The following RPL15 variants were observed in gnomAD, a reference collection of about 807,000 sequenced individuals.
RPL15 encodes large ribosomal subunit protein eL15.
For missense variants in RPL15, 161 were observed against 271.8 expected (o/e 0.59, Z 2.87); for synonymous variants, 97 against 95.1 (o/e 1.02, Z -0.12).
intron 2 of RPL15, 87 bp downstream of exon 2, chr3:23,918,118 G>T (rs1704776227): frequency 1.3e-6 from 2 of 1,487,166 alleles, no homozygotes; most frequent in Admixed American, 4.5e-5. Flanking sequence ...TGCTGCCTCA[G>T]TGTCTTTCTT....
rs745714508 is a variant in RPL15 at position 23,918,567 on chromosome 3, C to A, written c.300C>A (p.Ser100=). 3.1e-6 allele frequency: 5 copies of A among 1,613,714 alleles called. No homozygotes were observed. The East Asian group carries it at 6.7e-5, about 22-fold the overall frequency. Residue 100 remains serine, a synonymous_variant, in exon 3 of 4, where the codon TCC becomes TCA. Transcript: ENST00000307839. ...TAAAGTTTGCTCGAAGCCTTCAGTCCGTTGCAGAGGTAAATGGTTTTGAGT... is the reference window on the plus strand; with the variant it reads ...TAAAGTTTGCTCGAAGCCTTCAGTCAGTTGCAGAGGTAAATGGTTTTGAGT... The part of the protein sequence containing the change: ...NQLKFARSLQ[S]VAEERAGRHC...
At chr3:23,924,513 T>C (rs780802988), downstream of RPL15, 2 of 152,252 alleles carry the variant, frequency 1.3e-5, no homozygotes, top group Non-Finnish European at 2.9e-5. Context: ...CAAGTGATTT[T>C]CATGCCTCAG....
Position 23,920,731 on chromosome 3 carries a change from T to C in RPL15, c.*1230T>C. ...CCAGGAAGTACTCATAGCAAGTTCA[T>C]AAAAGTTCTTGAGACCTAAATTTCT... On this transcript the variant is annotated 3_prime_UTR_variant, in exon 4 of 4. Coordinates refer to ENST00000307839, the MANE Select transcript of RPL15 (RefSeq NM_002948.5). The C allele has an allele frequency of 3.1e-6, 3 of 982,754 alleles. No homozygotes were observed. Among genetic ancestry groups the C allele is most frequent in the South Asian group, 4.7e-5 (1 of 21,218 alleles). The allele number at this position is 982,754 out of a possible 1,614,324, so 60.9% of individuals were successfully genotyped here. A position where few individuals can be genotyped will look rare whatever the true frequency, so the allele number is the denominator to read the frequency against.
In RPL15 at chr3:23,917,934, C is replaced by A; in HGVS notation, c.75C>A (p.Val25=). ...QSDVMRFLLR[V]RCWQYRQLSA... is the part of the protein sequence containing the mutation. ...ATGTCATGCGCTTTCTTCTGAGGGT[C>A]CGCTGCTGGCAGTACCGCCAGCTCT... Residue 25 remains valine (V), a synonymous_variant, in exon 2 of 4, where the codon GTC becomes GTA. Coordinates refer to ENST00000307839, the MANE Select transcript of RPL15 (RefSeq NM_002948.5). The A allele has an allele frequency of 6.2e-6, 10 of 1,613,694 alleles. No individual in the cohort carries two copies. Among genetic ancestry groups the A allele is most frequent in the Non-Finnish European group, 8.5e-6 (10 of 1,179,746 alleles).
chr3:23,918,899 A>G, intron 3 of RPL15: 1 of 519,518 alleles, frequency 1.9e-6, no homozygotes, highest in Non-Finnish European at 3.4e-6. Flanking sequence ...AGTTGTATGG[A>G]AAAAGATAAG....
chr3:23,921,566 TTGAG>T (rs1169232187), downstream of RPL15: 6 of 675,012 alleles, frequency 8.9e-6, no homozygotes, highest in Non-Finnish European at 1.6e-5. Flanking sequence ...ACATTGATTA[TTGAG>T]TTTTTTTTTT....
upstream of RPL15, chr3:23,916,757 G>A (rs533051673): frequency 6.6e-6 from 1 of 150,562 alleles, no homozygotes; most frequent in African/African-American, 2.5e-5. Flanking sequence ...CTCCGCAGGG[G>A]GAGAGCCCGC....
rs944876562 is a variant in RPL15 at position 23,920,656 on chromosome 3, A to G, written c.*1155A>G. The G allele has an allele frequency of 4.9e-5, 48 of 985,150 alleles. No individual in the cohort carries two copies. Among genetic ancestry groups the G allele is most frequent in the Non-Finnish European group, 5.5e-5 (46 of 829,726 alleles). 61.0% of individuals were successfully genotyped at this position (985,150 alleles called of 1,614,324 possible). A position where few individuals can be genotyped will look rare whatever the true frequency, so the allele number is the denominator to read the frequency against. ...TAATTTAAATGCTCGTTCTGAACCA[A>G]TTTTCTCCTATCTTCTCTAGGGGTT... On this transcript the variant is annotated 3_prime_UTR_variant, in exon 4 of 4. Transcript: ENST00000307839.
chr3:23,916,961 C>T (rs1234865351), upstream of RPL15: 3 of 152,642 alleles, frequency 2.0e-5, no homozygotes, highest in Non-Finnish European at 4.4e-5. Flanking sequence ...CGCTCAGGCT[C>T]GAATCTTGCG....
At chr3:23,917,541 C>T (rs191106792) in intron 1 of RPL15, 55 of 266,290 alleles carry the variant, frequency 2.1e-4, no homozygotes, top group Non-Finnish European at 3.1e-4. Flanking sequence ...AGCGGCATCT[C>T]CTTTCAGGTC....
chr3:23,921,487 C>A (rs759032304), downstream of RPL15: 12 of 655,080 alleles, frequency 1.8e-5, no homozygotes, highest in Non-Finnish European at 3.3e-5. Flanking sequence ...ATTAGCTATA[C>A]CCTGACCGCC....
At chr3:23,917,604 T>C in intron 1 of RPL15, 1 of 443,426 alleles carries the variant, frequency 2.3e-6, no homozygotes, top group East Asian at 4.4e-5. Flanking sequence ...TGCTCAGTTC[T>C]GGTTCTGTTA....
At chr3:23,921,507 GT>G, downstream of RPL15, 1 of 668,678 alleles carries the variant, frequency 1.5e-6, no homozygotes, top group Non-Finnish European at 2.7e-6. Context: ...CCCACAAGCT[GT>G]TCCCATTTGC....
downstream of RPL15, chr3:23,923,285 A>G (rs1705147945): frequency 6.7e-6 from 1 of 149,272 alleles, no homozygotes; most frequent in African/African-American, 2.5e-5. Flanking sequence ...CAGTAACACA[A>G]TCTTGGCTCG....
rs1276878985 is a variant in RPL15, at chr3:23,919,448, C to T, written c.562C>T (p.Arg188Cys). 1.2e-6 allele frequency: 2 copies of T among 1,604,070 alleles called. No homozygotes were observed. The highest frequency in any genetic ancestry group is 1.1e-5 in the South Asian group (1 of 90,988). Residue 188 changes from arginine (R) to cysteine (C), a missense_variant, in exon 4 of 4, where the codon CGC becomes TGC. Transcript: ENST00000307839. ...HKFHHTIGGSRRAAWRRRNTL... is the reference protein window; with the variant it reads ...HKFHHTIGGSCRAAWRRRNTL... ...GTTCCACCACACTATTGGTGGCTCTCGCCGGGCAGCTTGGAGAAGGCGCAA... is the reference window on the plus strand; with the variant it reads ...GTTCCACCACACTATTGGTGGCTCTTGCCGGGCAGCTTGGAGAAGGCGCAA...
At chr3:23,918,640 A>C (rs569954135) in intron 3 of RPL15, 64 bp downstream of exon 3, 105 of 1,561,232 alleles carry the variant, frequency 6.7e-5, no homozygotes, top group Non-Finnish European at 8.6e-5. Flanking sequence ...AGAGAGATTA[A>C]GCAACTTTTC....
At chr3:23,923,995 T>G (rs1169414959), downstream of RPL15, 1 of 152,210 alleles carries the variant, frequency 6.6e-6, no homozygotes, top group African/African-American at 2.4e-5. Context: ...TGGCCTCTCA[T>G]GCATTTAGGT....
intron 3 of RPL15, 58 bp from the exon 4 acceptor site, chr3:23,919,138 T>A: frequency 8.4e-7 from 1 of 1,190,192 alleles, no homozygotes; most frequent in Non-Finnish European, 1.2e-6. Flanking sequence ...AAATTCTTTC[T>A]GACTTGCTGC....
In RPL15 at chr3:23,917,934, C is replaced by T. The variant is rs35629664; in HGVS notation, c.75C>T (p.Val25=). 34 of 1,613,578 alleles carry T rather than the reference C, an allele frequency of 2.1e-5. 2 individuals carry two copies. The South Asian group carries it at 3.7e-4, about 18-fold the overall frequency. Residue 25 remains valine, a synonymous_variant, in exon 2 of 4, where the codon GTC becomes GTT. Coordinates refer to ENST00000307839, the MANE Select transcript of RPL15 (RefSeq NM_002948.5). ...ATGTCATGCGCTTTCTTCTGAGGGT[C>T]CGCTGCTGGCAGTACCGCCAGCTCT... ...QSDVMRFLLR[V]RCWQYRQLSA... is the part of the protein sequence containing the mutation.
Sources: allele counts gnomAD v4.1 joint callset, GRCh38; gene constraint gnomAD v4.1.1; transcripts MANE v1.5; gene names NCBI Gene and HGNC (gene_info 2026-07-23, HGNC 2026-07-21).